Variants in DPYD observed in about 807,000 individuals in gnomAD.
DPYD encodes dihydropyrimidine dehydrogenase.
In DPYD, 109 loss-of-function variants were observed where a neutral mutation model predicts 116.2. That is an observed-to-expected ratio of 0.94 (90% CI 0.80 to 1.10). The LOEUF is 1.10. Ranked by LOEUF, DPYD falls within the 50% of genes least tolerant of loss-of-function variation. The probability of loss-of-function intolerance (pLI) is 0.00; values close to 1 mark genes in which losing one functional copy is unlikely to be tolerated. For synonymous variants in DPYD, 440 were observed against 432.0 expected, an observed-to-expected ratio of 1.02 and a Z score of -0.23; for missense variants, 1,302 against 1,254.5, an observed-to-expected ratio of 1.04 and a Z score of -0.57.
At chr1:97,573,509 T>C (rs1262818267) in intron 11 of DPYD, among the ~76,000 whole-genome samples, 2 of 152,072 alleles carry the variant, frequency 1.3e-5, no homozygotes, top group African/African-American at 2.4e-5. Context: ...CATTATAGAG[T>C]AGAATATGTG....
At position 97,375,006 on chromosome 1, in the gene DPYD, G is replaced by A. The variant is rs527741982; in HGVS notation, c.1975-1362C>T. On this transcript the variant is annotated intron_variant, in intron 15 of 22. Coordinates refer to ENST00000370192, the MANE Select transcript of DPYD (RefSeq NM_000110.4). ...ACCATGCCACTGCACTCCAGCCTGG[G>A]TGACACAGCGAGACTCCAGTTCCAA... 2.1e-4 allele frequency among the ~76,000 whole-genome samples: 30 copies of A among 140,212 alleles called. No homozygotes were observed. In the South Asian group the frequency reaches 5.7e-3, roughly 27 times the overall value. The allele number at this position is 140,212 out of a possible 152,430, so 92.0% of individuals were successfully genotyped here.
At chr1:97,840,517 T>A (rs1669987362) in intron 2 of DPYD, among the ~76,000 whole-genome samples, 1 of 152,160 alleles carries the variant, frequency 6.6e-6, no homozygotes, top group Admixed American at 6.5e-5. Context: ...CTTTGCCACA[T>A]TCACCATTTC....
chr1:97,337,598 A>G (rs1258068883), intron 16 of DPYD, among the ~76,000 whole-genome samples: 2 of 151,610 alleles, frequency 1.3e-5, no homozygotes, highest in African/African-American at 4.9e-5. Context: ...CTGACCTCCT[A>G]GGCCTTTTGC....
At chr1:97,456,933 G>A (rs189734495) in intron 13 of DPYD, among the ~76,000 whole-genome samples, 1 of 151,988 alleles carries the variant, frequency 6.6e-6, no homozygotes, top group Admixed American at 6.6e-5. Flanking sequence ...TTCTAAGAAT[G>A]CTTTGACATT....
intron 14 of DPYD, among the ~76,000 whole-genome samples, chr1:97,388,212 A>G (rs1672470595): frequency 6.6e-6 from 1 of 152,094 alleles, no homozygotes; most frequent in Admixed American, 6.6e-5. Flanking sequence ...ACTGAGATAG[A>G]ATAAAGCCTA....
intron 1 of DPYD, among the ~76,000 whole-genome samples, chr1:97,895,157 G>A (rs905525734): frequency 4.0e-5 from 6 of 151,680 alleles, no homozygotes; most frequent in Non-Finnish European, 7.4e-5. Context: ...TGGCTCCTAT[G>A]TAAAATTGGC....
At chr1:97,083,367 T>C (rs2101561471) in intron 21 of DPYD, among the ~76,000 whole-genome samples, 1 of 152,142 alleles carries the variant, frequency 6.6e-6, no homozygotes, top group East Asian at 1.9e-4. Flanking sequence ...CATCTTTCCA[T>C]ATTCTCTTTG....
intron 16 of DPYD, among the ~76,000 whole-genome samples, chr1:97,356,142 T>G (rs190249955): frequency 3.2e-4 from 48 of 152,320 alleles, no homozygotes; most frequent in Admixed American, 9.8e-4. Context: ...GTGAGTGATA[T>G]CTCACTGTGG....
chr1:97,697,582 T>A (rs1661375608), intron 6 of DPYD, among the ~76,000 whole-genome samples: 1 of 151,988 alleles, frequency 6.6e-6, no homozygotes, highest in Admixed American at 6.6e-5. Context: ...TTTCATATTG[T>A]CTCTACATAC....
intron 16 of DPYD, among the ~76,000 whole-genome samples, chr1:97,343,998 T>C (rs1284669537): frequency 6.6e-6 from 1 of 151,966 alleles, no homozygotes; most frequent in Non-Finnish European, 1.5e-5. Context: ...AGCATCTTAT[T>C]TTTTAAAAAA....
chr1:97,762,592 T>G (rs893926408), intron 3 of DPYD, among the ~76,000 whole-genome samples: 2 of 152,134 alleles, frequency 1.3e-5, no homozygotes, highest in Non-Finnish European at 2.9e-5. Context: ...AAAACTTGAT[T>G]AGTCATTCTC....
chr1:97,720,516 T>C, intron 5 of DPYD: 1 of 1,009,974 alleles, frequency 9.9e-7, no homozygotes, highest in Non-Finnish European at 1.2e-6. Context: ...AACCTCGAAT[T>C]GTTTTTATTT....
chr1:97,517,975 G>GC (rs1299936654), intron 12 of DPYD, among the ~76,000 whole-genome samples: 1 of 152,034 alleles, frequency 6.6e-6, no homozygotes, highest in African/African-American at 2.4e-5. Flanking sequence ...ATGGCATTAG[G>GC]CAACAGCCCA....
At chr1:97,292,404 G>A (rs554794652) in intron 18 of DPYD, among the ~76,000 whole-genome samples, 52 of 152,210 alleles carry the variant, frequency 3.4e-4, no homozygotes, top group African/African-American at 1.2e-3. Flanking sequence ...AAGGAGAAGC[G>A]CAGAGTGAAG....
In DPYD at chr1:97,808,684, A is replaced by T. The variant is rs183292030; in HGVS notation, c.233+19430T>A. Among the ~76,000 whole-genome samples the T allele has an allele frequency of 4.7e-4, 71 of 152,080 alleles. 1 individual carries two copies. The highest frequency in any genetic ancestry group is 1.6e-3 in the African/African-American group (66 of 41,544). On this transcript the variant is annotated intron_variant, in intron 3 of 22. Coordinates refer to ENST00000370192, the MANE Select transcript of DPYD (RefSeq NM_000110.4). ...CCAAAAAGCACTGGTCAGAACGAAC[A>T]TCCTTGCCTTGTTCCCAATCTTACC...
intron 13 of DPYD, among the ~76,000 whole-genome samples, chr1:97,492,469 A>C (rs1335136416): frequency 6.6e-6 from 1 of 152,184 alleles, no homozygotes; most frequent in Non-Finnish European, 1.5e-5. Flanking sequence ...ACTTCATTAA[A>C]ATCCATTCTT....
intron 19 of DPYD, among the ~76,000 whole-genome samples, chr1:97,212,668 C>T (rs1024569655): frequency 1.3e-5 from 2 of 152,044 alleles, no homozygotes; most frequent in Admixed American, 6.6e-5. Flanking sequence ...GCAGTTGCAC[C>T]GTTTTATATT....
intron 18 of DPYD, among the ~76,000 whole-genome samples, chr1:97,244,957 C>T (rs1241122369): frequency 1.3e-5 from 2 of 151,976 alleles, no homozygotes. Context: ...GTCTTGGTTG[C>T]GAGTGGTAAA....
intron 8 of DPYD, among the ~76,000 whole-genome samples, chr1:97,644,276 A>C (rs1244386770): frequency 6.6e-6 from 1 of 152,178 alleles, no homozygotes; most frequent in Non-Finnish European, 1.5e-5. Context: ...TGATTAATAA[A>C]AATAAAACTG....
Sources: allele counts gnomAD v4.1 joint callset (sites outside exome capture counted in the v4.1 genomes callset), GRCh38; gene constraint gnomAD v4.1.1; transcripts MANE v1.5; gene names NCBI Gene and HGNC (gene_info 2026-07-23, HGNC 2026-07-21).